MGRN1: variants seen among roughly 807,000 people sequenced by gnomAD.
The protein encoded by MGRN1 is mahogunin ring finger 1, also known as E3 ubiquitin-protein ligase MGRN1.
In MGRN1, 29 loss-of-function variants were observed where a neutral mutation model predicts 69.2. The observed-to-expected ratio is 0.42, with a 90% confidence interval of 0.31 to 0.57. MGRN1 has a LOEUF of 0.57. Ranked by LOEUF, MGRN1 falls within the 20% of genes least tolerant of loss-of-function variation. The pLI is 0.15. For synonymous variants in MGRN1, 470 were observed against 344.2 expected, an observed-to-expected ratio of 1.37 and a Z score of -4.04; for missense variants, 998 against 796.2, an observed-to-expected ratio of 1.25 and a Z score of -3.05.
At chr16:4,642,024 T>G (rs1474961974) in intron 1 of MGRN1, among the ~76,000 whole-genome samples, 1 of 152,130 alleles carries the variant, frequency 6.6e-6, no homozygotes, top group African/African-American at 2.4e-5. Flanking sequence ...AGTTGTTGAT[T>G]GTCTGCGCCG....
At chr16:4,688,028 G>A (rs1390650269) in intron 16 of MGRN1, 2 of 985,602 alleles carry the variant, frequency 2.0e-6, no homozygotes, top group Non-Finnish European at 2.4e-6. Context: ...GGGAGTGCAG[G>A]TGTGATCTAG....
At chr16:4,666,633 T>C (rs28712439) in intron 7 of MGRN1, among the ~76,000 whole-genome samples, 5,051 of 152,290 alleles carry the variant, frequency 0.033, 135 homozygotes, top group African/African-American at 0.067. Flanking sequence ...AGCTTTTTCC[T>C]ACCAGGCTCA....
chr16:4,654,117 T>C (rs1408499145), intron 4 of MGRN1, among the ~76,000 whole-genome samples: 1 of 152,114 alleles, frequency 6.6e-6, no homozygotes, highest in Non-Finnish European at 1.5e-5. Context: ...AAGTCTCTAA[T>C]CATGGCTTGG....
chr16:4,641,915 A>G (rs934740778), intron 1 of MGRN1, among the ~76,000 whole-genome samples: 13 of 151,750 alleles, frequency 8.6e-5, no homozygotes, highest in Non-Finnish European at 1.9e-4. Context: ...TTGGCCTCCT[A>G]AAGTGCTGGG....
At chr16:4,629,147 CGTATGTGTGT>C (rs1200386617) in intron 1 of MGRN1, among the ~76,000 whole-genome samples, 2 of 48,684 alleles carry the variant, frequency 4.1e-5, no homozygotes, top group East Asian at 1.5e-3. Flanking sequence ...GCTTTCTGTT[CGTATGTGTGT>C]GTGTGTGTGT....
chr16:4,647,871 A>G (rs2078307284), intron 1 of MGRN1, among the ~76,000 whole-genome samples: 1 of 152,066 alleles, frequency 6.6e-6, no homozygotes, highest in Non-Finnish European at 1.5e-5. Flanking sequence ...TGTTCCTGGC[A>G]GTCAGCAGCC....
At chr16:4,636,369 C>T (rs1467960385) in intron 1 of MGRN1, among the ~76,000 whole-genome samples, 1 of 152,074 alleles carries the variant, frequency 6.6e-6, no homozygotes, top group Non-Finnish European at 1.5e-5. Flanking sequence ...GATGCAATGG[C>T]CGGGCGGGGT....
At chr16:4,684,164 C>A (rs1269375553) in intron 16 of MGRN1, among the ~76,000 whole-genome samples, 1 of 152,264 alleles carries the variant, frequency 6.6e-6, no homozygotes, top group African/African-American at 2.4e-5. Context: ...GGAACCTGCA[C>A]CAAAGCCCCT....
chr16:4,652,195 G>T (rs368989980), intron 3 of MGRN1, 144 bp downstream of exon 3: 1 of 748,236 alleles, frequency 1.3e-6, no homozygotes, highest in East Asian at 2.7e-5. Context: ...AGGCTGTCCT[G>T]GGCTGAGCGA....
In MGRN1 at chr16:4,689,253, C is replaced by G; in HGVS notation, c.*345C>G. On this transcript the variant is annotated 3_prime_UTR_variant, in exon 17 of 17. Coordinates refer to ENST00000262370, the MANE Select transcript of MGRN1 (RefSeq NM_015246.4). ...CTGCCTGCTCCTGCAACAGTGCGGT[C>G]CCTGCCCGGAGAACTCAGGAGGCCT... 1 of 247,304 alleles carries G rather than the reference C, an allele frequency of 4.0e-6. No homozygotes were observed. The highest frequency in any genetic ancestry group is 5.3e-5 in the Admixed American group (1 of 18,778). The allele number at this position is 247,304 out of a possible 1,614,324, so 15.3% of individuals were successfully genotyped here.
chr16:4,686,871 T>C (rs1596322161), intron 16 of MGRN1: 1 of 985,590 alleles, frequency 1.0e-6, no homozygotes, highest in Non-Finnish European at 1.2e-6. Flanking sequence ...TGCGCCCCGA[T>C]TGGGAGAGCC....
intron 5 of MGRN1, among the ~76,000 whole-genome samples, chr16:4,662,258 T>C (rs2078699764): frequency 6.6e-6 from 1 of 152,150 alleles, no homozygotes; most frequent in African/African-American, 2.4e-5. Context: ...CTGACACCTG[T>C]AATCCCAGCA....
intron 1 of MGRN1, among the ~76,000 whole-genome samples, chr16:4,647,907 C>T (rs890719019): frequency 2.6e-5 from 4 of 152,112 alleles, no homozygotes; most frequent in Admixed American, 2.6e-4. Flanking sequence ...CTCTGGGCCA[C>T]CTCCCTCAGG....
At chr16:4,646,497 C>G (rs973072340) in intron 1 of MGRN1, among the ~76,000 whole-genome samples, 3 of 151,942 alleles carry the variant, frequency 2.0e-5, no homozygotes, top group Non-Finnish European at 4.4e-5. Context: ...GCCTCCCTGG[C>G]TCACAGGCCC....
At chr16:4,662,755 C>T (rs952355275) in intron 5 of MGRN1, among the ~76,000 whole-genome samples, 4 of 152,330 alleles carry the variant, frequency 2.6e-5, no homozygotes, top group South Asian at 2.1e-4. Context: ...GCCCTGCTTC[C>T]GCTGCCCACT....
In MGRN1 at chr16:4,652,281, C is replaced by T. The variant is rs116739904; in HGVS notation, c.296+230C>T. 3.4e-3 allele frequency among the ~76,000 whole-genome samples: 519 copies of T among 152,256 alleles called. 4 individuals are homozygous for T. Among genetic ancestry groups the T allele is most frequent in the African/African-American group, 0.012 (492 of 41,544 alleles). On this transcript the variant is annotated intron_variant, in intron 3 of 16. Transcript: ENST00000262370. Reference sequence around the variant, plus strand: ...GCCGCACAGGGACCCTGGGCAGTGTCTGGAGGCAGCCAGGTGGGGTGCTTG... The same window carrying T: ...GCCGCACAGGGACCCTGGGCAGTGTTTGGAGGCAGCCAGGTGGGGTGCTTG...
At chr16:4,686,328 C>CG in intron 16 of MGRN1, 1 of 1,541,858 alleles carries the variant, frequency 6.5e-7, no homozygotes, top group Non-Finnish European at 8.7e-7. Context: ...AGACGCGCTT[C>CG]GGGGGCTCTG....
In MGRN1 at chr16:4,690,922, A is replaced by G. The variant is rs1162609426; in HGVS notation, c.*2014A>G. On this transcript the variant is annotated 3_prime_UTR_variant, in exon 17 of 17. Transcript: ENST00000262370. The stretch of plus-strand genomic sequence containing the variant: ...CCGTCTGATGTGCTCAGATGGGCTC[A>G]TCGTTGGTTCGTTTTTACTGTATAT... The G allele has an allele frequency of 2.0e-5, 3 of 151,984 alleles. No individual in the cohort carries two copies. The highest frequency in any genetic ancestry group is 7.3e-5 in the African/African-American group (3 of 41,306). The allele number at this position is 151,984 out of a possible 1,614,324, so 9.4% of individuals were successfully genotyped here. A position where few individuals can be genotyped will look rare whatever the true frequency, so the allele number is the denominator to read the frequency against.
At chr16:4,662,460 G>A (rs916882232) in intron 5 of MGRN1, among the ~76,000 whole-genome samples, 2 of 151,206 alleles carry the variant, frequency 1.3e-5, no homozygotes, top group African/African-American at 2.4e-5. Flanking sequence ...AGGTTGCAGC[G>A]AGCCGACATC....
Sources: allele counts gnomAD v4.1 joint callset (sites outside exome capture counted in the v4.1 genomes callset), GRCh38; gene constraint gnomAD v4.1.1; transcripts MANE v1.5; gene names NCBI Gene and HGNC (gene_info 2026-07-23, HGNC 2026-07-21).